The following GUK1 variants were observed in gnomAD, a reference collection of about 807,000 sequenced individuals.
GUK1 encodes guanylate kinase 1.
In GUK1, 18 loss-of-function variants were observed where a neutral mutation model predicts 25.2. The ratio of observed to expected loss-of-function variants is 0.71; its 90% CI spans 0.49 to 1.06. The LOEUF (loss-of-function observed/expected upper bound fraction) is 1.06. Among genes scored for constraint, GUK1 ranks in the 50% least tolerant of loss-of-function variants. GUK1 has a pLI of 0.00. For missense variants in GUK1, 261 were observed against 276.7 expected, an observed-to-expected ratio of 0.94 and a Z score of 0.40; for synonymous variants, 105 against 117.6, an observed-to-expected ratio of 0.89 and a Z score of 0.69.
At chr1:228,146,143 T>C (rs957950349) in intron 4 of GUK1, 76 bp downstream of exon 3, 7 of 976,386 alleles carry the variant, frequency 7.2e-6, no homozygotes, top group African/African-American at 4.8e-5. Flanking sequence ...CTGTGTTGGC[T>C]GTGCTGCCCG....
intron 2 of GUK1, chr1:228,141,388 C>A: frequency 2.1e-6 from 1 of 470,410 alleles, no homozygotes; most frequent in Non-Finnish European, 2.8e-6. Flanking sequence ...TTGCTGAAGG[C>A]CAGGATGCGT....
chr1:228,141,943 C>G (rs754027115), intron 2 of GUK1: 10 of 325,190 alleles, frequency 3.1e-5, no homozygotes, highest in Non-Finnish European at 4.6e-5. Context: ...TTCCCTCTGC[C>G]CACAGGAAGA....
chr1:228,146,171 T>G, intron 4 of GUK1, 104 bp downstream of exon 3: 1 of 752,616 alleles, frequency 1.3e-6, no homozygotes, highest in Non-Finnish European at 2.3e-6. Context: ...CCCCCATCAA[T>G]CCCTAATCTG....
chr1:228,143,355 A>G (rs1163970549), intron 2 of GUK1, among the ~76,000 whole-genome samples: 1 of 152,226 alleles, frequency 6.6e-6, no homozygotes, highest in African/African-American at 2.4e-5. Context: ...GGACCATTTG[A>G]GTAGCTCTCC....
chr1:228,142,764 G>A (rs2034131490), intron 2 of GUK1, among the ~76,000 whole-genome samples: 1 of 152,068 alleles, frequency 6.6e-6, no homozygotes, highest in South Asian at 2.1e-4. Flanking sequence ...TGGAAGTGAG[G>A]CACGAGCTCC....
chr1:228,148,315 A>G, intron 7 of GUK1, 56 bp from the exon 7 acceptor site: 2 of 1,226,640 alleles, frequency 1.6e-6, no homozygotes, highest in Non-Finnish European at 2.4e-6. Context: ...GTCGTGTGGG[A>G]CCTGGGGTGG....
At position 228,148,378 on chromosome 1, in the gene GUK1, G is replaced by T; in HGVS notation, c.483G>T (p.Glu161Asp). Reference sequence around the variant, plus strand: ...CCCAGGCCCCACCCACAGGCAAGGAGCCCGGCCTGTTTGATGTGGTCATCA... The same window carrying T: ...CCCAGGCCCCACCCACAGGCAAGGATCCCGGCCTGTTTGATGTGGTCATCA... The change falls in exon 8 of 9, where the codon GAG becomes GAT. Residue 161 changes from glutamate to aspartate, a missense_variant. Glu to Asp is a conservative substitution (Grantham distance 45). Transcript: ENST00000312726. The T allele has an allele frequency of 6.4e-7, 1 of 1,554,748 alleles. No individual in the cohort carries two copies.
intron 7 of GUK1, 48 bp from the exon 7 acceptor site, chr1:228,148,322 GT>G: frequency 1.5e-6 from 2 of 1,317,226 alleles, no homozygotes; most frequent in Non-Finnish European, 2.2e-6. Context: ...GGGACCTGGG[GT>G]GGGGCTGCAT....
In GUK1 at chr1:228,145,653, C is replaced by G. The variant is rs368643123; in HGVS notation, c.112+29C>G. 9 of 1,605,562 alleles carry G rather than the reference C, an allele frequency of 5.6e-6. No individual in the cohort carries two copies. The East Asian group carries it at 2.0e-4, about 36-fold the overall frequency. On this transcript the variant is annotated intron_variant, in intron 3 of 8. Coordinates refer to ENST00000312726, the MANE Select transcript of GUK1 (RefSeq NM_000858.7). Reference sequence around the variant, plus strand: ...AGTCCAGGGCTCTCGTGGAGGGGTGCGTAGACCTCAAGGCTGCTGAGTAGT... The same window carrying G: ...AGTCCAGGGCTCTCGTGGAGGGGTGGGTAGACCTCAAGGCTGCTGAGTAGT...
chr1:228,147,116 G>T (rs1438898788), intron 5 of GUK1, among the ~76,000 whole-genome samples, 178 bp downstream of exon 4: 1 of 152,218 alleles, frequency 6.6e-6, no homozygotes, highest in Admixed American at 6.5e-5. Context: ...TTTTCATGAG[G>T]CTGCTGGGCC....
chr1:228,145,413 C>G, intron 2 of GUK1, 98 bp from the exon 2 acceptor site: 1 of 1,267,198 alleles, frequency 7.9e-7, no homozygotes, highest in Admixed American at 2.5e-5. Flanking sequence ...ATCCCTGGGT[C>G]AGCCCTTTCC....
chr1:228,142,029 C>G (rs2034086563), intron 2 of GUK1, among the ~76,000 whole-genome samples: 1 of 152,270 alleles, frequency 6.6e-6, no homozygotes, highest in African/African-American at 2.4e-5. Flanking sequence ...GCCTTGAGGC[C>G]TGGGCCACAG....
intron 7 of GUK1, chr1:228,148,017 G>A (rs2034492976): frequency 8.6e-6 from 5 of 580,810 alleles, no homozygotes; most frequent in Non-Finnish European, 1.5e-5. Flanking sequence ...GGTGTCATGT[G>A]CATCCTCTTA....
At chr1:228,140,642 C>A (rs1398003281) in intron 1 of GUK1, among the ~76,000 whole-genome samples, 1 of 152,248 alleles carries the variant, frequency 6.6e-6, no homozygotes, top group Non-Finnish European at 1.5e-5. Flanking sequence ...TATAGGAGCG[C>A]TCGGTGTCTT....
At chr1:228,145,757 C>A in intron 3 of GUK1, 133 bp downstream of exon 2, 1 of 1,046,720 alleles carries the variant, frequency 9.6e-7, no homozygotes, top group Non-Finnish European at 1.4e-6. Flanking sequence ...CTTGCACACT[C>A]CCCCCCACAC....
intron 2 of GUK1, chr1:228,141,312 C>T: frequency 1.0e-6 from 1 of 964,826 alleles, no homozygotes; most frequent in Middle Eastern, 5.3e-4. Flanking sequence ...CCTGTCCCCC[C>T]CGGGGAAAGA....
intron 1 of GUK1, among the ~76,000 whole-genome samples, chr1:228,140,906 G>T (rs2034007863): frequency 6.6e-6 from 1 of 152,250 alleles, no homozygotes; most frequent in South Asian, 2.1e-4. Context: ...CCAGAGTCCG[G>T]GTTGGGGTTC....
intron 2 of GUK1, chr1:228,145,275 T>G: frequency 2.8e-6 from 1 of 358,746 alleles, no homozygotes; most frequent in Non-Finnish European, 5.1e-6. Context: ...AAGCCGGCCT[T>G]CCATTCGTCT....
chr1:228,141,582 C>T, intron 2 of GUK1: 3 of 992,322 alleles, frequency 3.0e-6, no homozygotes, highest in South Asian at 4.8e-5. Flanking sequence ...CTGTTAGCAT[C>T]TCCTCGAACA....
Sources: gnomAD v4.1 joint callset for allele counts (sites outside exome capture counted in the v4.1 genomes callset) on GRCh38, gnomAD v4.1.1 for gene constraint, MANE v1.5 for transcripts, NCBI Gene and HGNC (gene_info 2026-07-23, HGNC 2026-07-21) for gene names.